The following KCNH7 variants were observed in gnomAD, a reference collection of about 807,000 sequenced individuals.
KCNH7 encodes voltage-gated inwardly rectifying potassium channel KCNH7.
KCNH7 carries 49 observed loss-of-function variants against 120.8 expected under a neutral mutation model. The ratio of observed to expected loss-of-function variants is 0.41; its 90% CI spans 0.32 to 0.51. The LOEUF (loss-of-function observed/expected upper bound fraction) is 0.51, where lower values mean the gene tolerates loss of function less well. Among genes scored for constraint, KCNH7 ranks in the 20% least tolerant of loss-of-function variants. The pLI is 0.38. For missense variants in KCNH7, 1,097 were observed against 1,446.6 expected, an observed-to-expected ratio of 0.76 and a Z score of 3.92; for synonymous variants, 547 against 516.1, an observed-to-expected ratio of 1.06 and a Z score of -0.81.
intron 13 of KCNH7, among the ~76,000 whole-genome samples, chr2:162,383,845 G>C (rs968655216): frequency 4.6e-5 from 7 of 151,668 alleles, no homozygotes; most frequent in Non-Finnish European, 7.4e-5. Flanking sequence ...TAACCTCGTT[G>C]GTTAGATAAT....
At chr2:162,602,918 T>TGAG (rs200331305) in intron 2 of KCNH7, among the ~76,000 whole-genome samples, 1 of 142,742 alleles carries the variant, frequency 7.0e-6, no homozygotes, top group Admixed American at 7.0e-5. Flanking sequence ...AGGAGGAGGG[T>TGAG]GAGGAGGAGG....
intron 7 of KCNH7, among the ~76,000 whole-genome samples, chr2:162,441,147 A>G (rs75125609): frequency 0.02 from 3,113 of 152,232 alleles, 102 homozygotes; most frequent in South Asian, 0.093. Flanking sequence ...TAAACTCCCA[A>G]AAACCATCTA....
At chr2:162,392,089 A>G (rs1408041451) in intron 12 of KCNH7, among the ~76,000 whole-genome samples, 1 of 152,084 alleles carries the variant, frequency 6.6e-6, no homozygotes, top group African/African-American at 2.4e-5. Flanking sequence ...CAAAGGAAAA[A>G]AATACACCAG....
intron 10 of KCNH7, 24 bp from the exon 11 acceptor site, chr2:162,396,969 G>C: frequency 6.7e-7 from 1 of 1,501,616 alleles, no homozygotes; most frequent in Non-Finnish European, 9.2e-7. Flanking sequence ...AAGAAAAAGA[G>C]GCGGGGAAAG....
intron 2 of KCNH7, among the ~76,000 whole-genome samples, chr2:162,541,404 T>C (rs1399092237): frequency 6.6e-6 from 1 of 151,830 alleles, no homozygotes; most frequent in Admixed American, 6.6e-5. Flanking sequence ...ATAATCAAGA[T>C]TGTGGTGCGT....
chr2:162,388,280 A>C (rs1012181329), intron 12 of KCNH7, among the ~76,000 whole-genome samples: 6 of 151,848 alleles, frequency 4.0e-5, no homozygotes, highest in African/African-American at 1.4e-4. Flanking sequence ...GCTCTATTCT[A>C]CAGTATGGTA....
chr2:162,413,619 G>T (rs191715980), intron 9 of KCNH7, among the ~76,000 whole-genome samples: 12 of 152,196 alleles, frequency 7.9e-5, no homozygotes, highest in Non-Finnish European at 1.6e-4. Flanking sequence ...TACAAAACTA[G>T]ATTTCAAACA....
chr2:162,657,353 T>A (rs945920162), intron 2 of KCNH7, among the ~76,000 whole-genome samples: 1 of 152,214 alleles, frequency 6.6e-6, no homozygotes, highest in African/African-American at 2.4e-5. Context: ...CCACCGATTG[T>A]TTGACTTTCT....
chr2:162,763,292 G>T (rs982039592), intron 2 of KCNH7, among the ~76,000 whole-genome samples: 1 of 152,022 alleles, frequency 6.6e-6, no homozygotes. Flanking sequence ...TCATTCAATT[G>T]ATGAGTTTTG....
intron 7 of KCNH7, among the ~76,000 whole-genome samples, chr2:162,437,104 G>A (rs1442904926): frequency 5.3e-5 from 8 of 152,132 alleles, no homozygotes; most frequent in Admixed American, 5.2e-4. Context: ...CTGGGCAACA[G>A]AGCAAGACCC....
intron 2 of KCNH7, among the ~76,000 whole-genome samples, chr2:162,720,700 G>A (rs1687297349): frequency 6.6e-6 from 1 of 152,058 alleles, no homozygotes; most frequent in African/African-American, 2.4e-5. Flanking sequence ...TCATGAATTA[G>A]TGTAGTTCTG....
At chr2:162,418,270 C>T (rs1687597017) in intron 9 of KCNH7, among the ~76,000 whole-genome samples, 1 of 151,904 alleles carries the variant, frequency 6.6e-6, no homozygotes, top group Non-Finnish European at 1.5e-5. Flanking sequence ...ATCTTTATAC[C>T]CCCTTTTAAA....
intron 9 of KCNH7, among the ~76,000 whole-genome samples, chr2:162,409,605 A>C (rs1687327095): frequency 6.6e-6 from 1 of 151,996 alleles, no homozygotes; most frequent in South Asian, 2.1e-4. Context: ...TAGATAAGAA[A>C]GAGAAATAAA....
At chr2:162,705,263 T>C (rs1447441278) in intron 2 of KCNH7, among the ~76,000 whole-genome samples, 2 of 152,138 alleles carry the variant, frequency 1.3e-5, no homozygotes, top group Non-Finnish European at 2.9e-5. Context: ...GTTTTATTTC[T>C]TAATCTAGAA....
At chr2:162,434,636 G>T (rs922825807) in intron 8 of KCNH7, among the ~76,000 whole-genome samples, 12 of 151,704 alleles carry the variant, frequency 7.9e-5, no homozygotes, top group Admixed American at 4.6e-4. Context: ...CACAGGAAAA[G>T]AAATTTTTAG....
chr2:162,526,246 G>T (rs1691700912), intron 3 of KCNH7, among the ~76,000 whole-genome samples: 1 of 151,882 alleles, frequency 6.6e-6, no homozygotes, highest in Non-Finnish European at 1.5e-5. Flanking sequence ...ATATCACAAG[G>T]CAAATGGAGG....
chr2:162,732,758 T>G (rs942992227), intron 2 of KCNH7, among the ~76,000 whole-genome samples: 1 of 152,216 alleles, frequency 6.6e-6, no homozygotes, highest in Non-Finnish European at 1.5e-5. Flanking sequence ...TTACAAGTTT[T>G]GGGTACTTTT....
At chr2:162,558,560 T>C (rs1574100248) in intron 2 of KCNH7, among the ~76,000 whole-genome samples, 1 of 121,598 alleles carries the variant, frequency 8.2e-6, no homozygotes. Context: ...GAAGAAAAAA[T>C]GAGAACCTGC....
chr2:162,828,878 G>C (rs1685379963), intron 2 of KCNH7, among the ~76,000 whole-genome samples: 2 of 152,124 alleles, frequency 1.3e-5, no homozygotes, highest in South Asian at 2.1e-4. Context: ...CCCATTTTCT[G>C]AGTAAAAAGT....
Sources: allele counts gnomAD v4.1 joint callset (sites outside exome capture counted in the v4.1 genomes callset), GRCh38; gene constraint gnomAD v4.1.1; transcripts MANE v1.5; gene names NCBI Gene and HGNC (gene_info 2026-07-23, HGNC 2026-07-21).